PYHIN1: variants seen among roughly 807,000 people sequenced by gnomAD.
The protein encoded by PYHIN1 is pyrin and HIN domain family member 1, also known as pyrin and HIN domain-containing protein 1.
In PYHIN1, 32 loss-of-function variants were observed where a neutral mutation model predicts 43.7. The observed-to-expected ratio is 0.73, with a 90% CI of 0.55 to 0.98. The LOEUF is 0.98. Ranked by LOEUF, PYHIN1 falls within the 50% of genes least tolerant of loss-of-function variation. The pLI, the probability that PYHIN1 is intolerant of heterozygous loss-of-function variation, is 0.00. For synonymous variants in PYHIN1, 205 were observed against 203.1 expected, an observed-to-expected ratio of 1.01 and a Z score of -0.08; for missense variants, 588 against 589.5, an observed-to-expected ratio of 1.00 and a Z score of 0.03.
the PYHIN1 span, among the ~76,000 whole-genome samples, chr1:158,988,034 G>A: frequency 7.2e-5 from 11 of 152,208 alleles, no homozygotes; most frequent in South Asian, 2.1e-4. Flanking sequence ...TCATCAAACC[G>A]CTAGAACCTA....
chr1:158,953,145 C>G (rs980222608), intron 7 of PYHIN1, among the ~76,000 whole-genome samples: 1 of 152,026 alleles, frequency 6.6e-6, no homozygotes, highest in Non-Finnish European at 1.5e-5. Flanking sequence ...AGTCTGAGAT[C>G]AAACTGCAAG....
intron 7 of PYHIN1, among the ~76,000 whole-genome samples, chr1:158,964,266 A>G (rs1650491304): frequency 6.6e-6 from 1 of 152,226 alleles, no homozygotes; most frequent in Non-Finnish European, 1.5e-5. Context: ...TGTCCCTGAG[A>G]GAGACAAGGA....
At chr1:158,941,891 A>G (rs1246534537) in intron 4 of PYHIN1, 86 bp from the exon 5 acceptor site, 3 of 1,302,576 alleles carry the variant, frequency 2.3e-6, no homozygotes, top group African/African-American at 3.0e-5. Flanking sequence ...TGGGGGCCCA[A>G]TGTTGTGCCT....
chr1:158,953,034 G>A (rs1342729407), intron 7 of PYHIN1, among the ~76,000 whole-genome samples: 1 of 152,176 alleles, frequency 6.6e-6, no homozygotes, highest in Non-Finnish European at 1.5e-5. Flanking sequence ...CGAATATTGC[G>A]CTTTTCGGAC....
At chr1:158,935,249 A>T (rs1015379339) in intron 1 of PYHIN1, among the ~76,000 whole-genome samples, 4 of 151,566 alleles carry the variant, frequency 2.6e-5, no homozygotes, top group Non-Finnish European at 5.9e-5. Flanking sequence ...AAAATGTTTT[A>T]TACTTCTGAA....
At chr1:158,946,370 C>T (rs1264644111) in intron 7 of PYHIN1, among the ~76,000 whole-genome samples, 3 of 152,092 alleles carry the variant, frequency 2.0e-5, no homozygotes, top group Non-Finnish European at 4.4e-5. Context: ...AGACCTATGT[C>T]CTTGCTTTTG....
intron 7 of PYHIN1, among the ~76,000 whole-genome samples, chr1:158,964,752 AG>A (rs1650527585): frequency 6.6e-6 from 1 of 152,256 alleles, no homozygotes; most frequent in Admixed American, 6.5e-5. Context: ...AAGTATGAAA[AG>A]GAAAGAACAT....
At position 158,957,665 on chromosome 1, in the gene PYHIN1, T is replaced by C. The variant is rs1205462350; in HGVS notation, c.1359+12623T>C. Among the ~76,000 whole-genome samples the C allele has an allele frequency of 9.1e-4, 129 of 141,498 alleles. No homozygotes were observed. In the South Asian group the frequency reaches 0.014, roughly 16 times the overall value. 92.8% of individuals were successfully genotyped at this position (141,498 alleles called of 152,430 possible). On this transcript the variant is annotated intron_variant, in intron 7 of 8. Coordinates refer to ENST00000368140, the MANE Select transcript of PYHIN1 (RefSeq NM_152501.5). ...ACCATAAAAACCCTAGAAGAAAACC[T>C]AGGCATTACCATTCAGGACATAGGC...
the PYHIN1 span, among the ~76,000 whole-genome samples, chr1:158,990,751 A>G: frequency 8.5e-5 from 13 of 152,196 alleles, no homozygotes; most frequent in African/African-American, 1.2e-4. Flanking sequence ...GAGATTCTAC[A>G]TATGAATGAG....
intron 5 of PYHIN1, 67 bp downstream of exon 5, chr1:158,942,466 C>T: frequency 7.7e-7 from 1 of 1,297,308 alleles, no homozygotes. Flanking sequence ...CCCTGATGTG[C>T]TAAATGGAAG....
intron 7 of PYHIN1, among the ~76,000 whole-genome samples, chr1:158,972,772 C>T (rs991393462): frequency 6.6e-6 from 1 of 152,088 alleles, no homozygotes; most frequent in South Asian, 2.1e-4. Flanking sequence ...TCAAGCAAGA[C>T]CTCCTGATAA....
the PYHIN1 span, among the ~76,000 whole-genome samples, chr1:158,990,568 T>A: frequency 6.6e-6 from 1 of 152,160 alleles, no homozygotes; most frequent in African/African-American, 2.4e-5. Context: ...ATACAATATT[T>A]CATCTTTAGC....
chr1:158,944,923 C>G lies in PYHIN1; in HGVS notation c.1240C>G (p.Leu414Val). ...QRSHDSRSMA[L>V]PQEQSQHPKP... ...AAGCCATGACTCCAGGAGCATGGCA[C>G]TACCCCAGGAACAGAGTCAGCATCC... is the stretch of plus-strand genomic sequence containing the variant. The change falls in exon 7 of 9, where the codon CTA (leucine) becomes GTA (valine). Residue 414 changes from leucine (L) to valine (V), a missense_variant. Transcript: ENST00000368140. 6.2e-7 allele frequency: 1 copy of G among 1,613,212 alleles called. No individual in the cohort carries two copies. The highest frequency in any genetic ancestry group is 2.2e-5 in the East Asian group (1 of 44,840).
downstream of PYHIN1, among the ~76,000 whole-genome samples, chr1:158,977,275 G>T (rs1651330657): frequency 3.3e-5 from 5 of 152,162 alleles, no homozygotes; most frequent in South Asian, 4.1e-4. Flanking sequence ...TGCAAGCACT[G>T]TGTCCTGGGA....
At chr1:158,937,299 C>T (rs1300632209) in intron 2 of PYHIN1, 124 bp downstream of exon 2, 1 of 1,051,486 alleles carries the variant, frequency 9.5e-7, no homozygotes. Flanking sequence ...CTGGCCATGG[C>T]AATGTTGGTA....
At chr1:158,973,612 G>A (rs200988763) in intron 7 of PYHIN1, 35 bp from the exon 8 acceptor site, 1 of 1,610,386 alleles carries the variant, frequency 6.2e-7, no homozygotes, top group Non-Finnish European at 8.5e-7. Context: ...CTGTCATAAA[G>A]TGAAAGACTA....
At chr1:158,981,993 G>A (rs150707035), downstream of PYHIN1, among the ~76,000 whole-genome samples, 9 of 152,142 alleles carry the variant, frequency 5.9e-5, no homozygotes, top group African/African-American at 2.2e-4. Flanking sequence ...AAACTGTTTG[G>A]TTTTTGCTTG....
the PYHIN1 span, among the ~76,000 whole-genome samples, chr1:158,987,379 CAG>C: frequency 6.6e-6 from 1 of 152,180 alleles, no homozygotes; most frequent in African/African-American, 2.4e-5. Flanking sequence ...ATTTCCTATT[CAG>C]AGTCTTTGCC....
the PYHIN1 span, among the ~76,000 whole-genome samples, chr1:158,988,688 C>T: frequency 6.6e-6 from 1 of 152,074 alleles, no homozygotes; most frequent in African/African-American, 2.4e-5. Flanking sequence ...GCTGAGGAAA[C>T]TTCTAAGCAC....
Sources: allele counts gnomAD v4.1 joint callset (sites outside exome capture counted in the v4.1 genomes callset), GRCh38; gene constraint gnomAD v4.1.1; transcripts MANE v1.5; gene names NCBI Gene and HGNC (gene_info 2026-07-23, HGNC 2026-07-21).